The following ANAPC1 variants were observed in gnomAD, a reference collection of about 807,000 sequenced individuals.
ANAPC1 encodes the protein anaphase promoting complex subunit 1.
ANAPC1 carries 36 observed loss-of-function variants against 208.0 expected under a neutral mutation model. The observed-to-expected ratio is 0.17, with a 90% confidence interval of 0.13 to 0.23. ANAPC1 has a LOEUF of 0.23. ANAPC1 is among the 10% of genes least tolerant of loss of function. ANAPC1 has a pLI of 1.00. For missense variants in ANAPC1, 942 were observed against 2,011.6 expected (o/e 0.47, Z 10.17); for synonymous variants, 378 against 695.2 (o/e 0.54, Z 7.18).
intron 1 of ANAPC1, 149 bp from the exon 2 acceptor site, chr2:111,880,998 C>A (rs1475039497): frequency 6.2e-6 from 4 of 649,952 alleles, no homozygotes; most frequent in South Asian, 6.0e-5. Flanking sequence ...CATAAAAGGG[C>A]ATTCTAGATC....
chr2:111,867,406 A>C (rs1682487757), intron 7 of ANAPC1, among the ~76,000 whole-genome samples: 1 of 151,080 alleles, frequency 6.6e-6, no homozygotes, highest in Admixed American at 6.6e-5. Flanking sequence ...GAAGATAAAA[A>C]GCAGCTAGGC....
Position 111,850,013 on chromosome 2 carries a change from T to TA in ANAPC1, c.1650+762dup, listed in dbSNP as rs557866637. Among the ~76,000 whole-genome samples, 20 of 151,838 alleles carry TA rather than the reference T, an allele frequency of 1.3e-4. No individual in the cohort carries two copies. The South Asian group carries it at 2.5e-3, about 19-fold the overall frequency. On this transcript the variant is annotated intron_variant, in intron 14 of 47. Transcript: ENST00000341068. ...TCATTTGTAACTTCTATCTCATTTG[T>TA]AAAAAAAAGAATCATAGTACTATCT...
intron 26 of ANAPC1, among the ~76,000 whole-genome samples, chr2:111,820,738 A>T (rs370723188): frequency 0.052 from 7,494 of 144,252 alleles, 214 homozygotes; most frequent in Non-Finnish European, 0.071. Flanking sequence ...GTATCAAGGG[A>T]TGTATCCTGT....
intron 18 of ANAPC1, among the ~76,000 whole-genome samples, chr2:111,836,365 A>G (rs1203632476): frequency 6.6e-6 from 1 of 151,922 alleles, no homozygotes; most frequent in African/African-American, 2.4e-5. Context: ...AAATTAAAAG[A>G]AATTAAAATT....
At chr2:111,785,322 T>C in intron 40 of ANAPC1, 38 bp downstream of exon 40, 1 of 634,840 alleles carries the variant, frequency 1.6e-6, no homozygotes, top group Non-Finnish European at 2.9e-6. Flanking sequence ...GACGGATGAG[T>C]GGTAATAAAA....
chr2:111,787,527 C>A (rs1558665051), intron 39 of ANAPC1, among the ~76,000 whole-genome samples: 1 of 152,162 alleles, frequency 6.6e-6, no homozygotes, highest in African/African-American at 2.4e-5. Context: ...CTTGACCTGT[C>A]TCTGGGGAGA....
intron 14 of ANAPC1, among the ~76,000 whole-genome samples, chr2:111,850,357 GA>G (rs1681321976): frequency 6.6e-6 from 1 of 152,068 alleles, no homozygotes; most frequent in South Asian, 2.1e-4. Context: ...AGGTCCAAAC[GA>G]AGACTGACAT....
At chr2:111,842,144 C>T (rs1216632767) in intron 17 of ANAPC1, among the ~76,000 whole-genome samples, 1 of 152,040 alleles carries the variant, frequency 6.6e-6, no homozygotes, top group Non-Finnish European at 1.5e-5. Flanking sequence ...TATTGGTTAA[C>T]TATGATAAAA....
rs1193044673 is a variant in ANAPC1 at position 111,810,859 on chromosome 2, G to C, written c.3598-1678C>G. ...GATCACACCACTGCACTCCAGCCTA[G>C]GTGACAGGGTGAGACTCCACATCAA... On this transcript the variant is annotated intron_variant, in intron 28 of 47. Coordinates refer to ENST00000341068, the MANE Select transcript of ANAPC1 (RefSeq NM_022662.4). Among the ~76,000 whole-genome samples the C allele has an allele frequency of 2.3e-5, 3 of 132,736 alleles. No individual in the cohort carries two copies. In the East Asian group the frequency reaches 6.3e-4, roughly 28 times the overall value. 87.1% of individuals were successfully genotyped at this position (132,736 alleles called of 152,430 possible). A position where few individuals can be genotyped will look rare whatever the true frequency, so the allele number is the denominator to read the frequency against.
chr2:111,879,052 A>G, intron 2 of ANAPC1, 81 bp from the exon 3 acceptor site: 4 of 1,438,858 alleles, frequency 2.8e-6, no homozygotes, highest in Non-Finnish European at 3.7e-6. Context: ...TTATTTGCCC[A>G]TGGAGTAAGA....
At chr2:111,840,642 C>T (rs182208444) in intron 17 of ANAPC1, among the ~76,000 whole-genome samples, 17 of 152,236 alleles carry the variant, frequency 1.1e-4, no homozygotes, top group African/African-American at 3.8e-4. Flanking sequence ...AAAGCTGACG[C>T]GTTTTTTCAT....
At chr2:111,848,924 A>T (rs1033290357) in intron 14 of ANAPC1, among the ~76,000 whole-genome samples, 2 of 152,226 alleles carry the variant, frequency 1.3e-5, no homozygotes, top group Non-Finnish European at 2.9e-5. Flanking sequence ...AAAATACAGG[A>T]ACAGTATTTA....
chr2:111,781,760 A>C (rs1677290729), intron 43 of ANAPC1, among the ~76,000 whole-genome samples: 1 of 152,270 alleles, frequency 6.6e-6, no homozygotes, highest in South Asian at 2.1e-4. Context: ...TTGTGTTGGA[A>C]ACTTATCTGA....
rs773835452 is a variant in ANAPC1, at chr2:111,878,884, T to C, written c.301A>G (p.Ile101Val). 6 of 1,607,360 alleles carry C rather than the reference T, an allele frequency of 3.7e-6. 1 individual carries two copies. Among genetic ancestry groups the C allele is most frequent in the Non-Finnish European group, 1.7e-6 (2 of 1,177,970 alleles). ...TGGCTTTTACTTCCTTTGCTCCATA[T>C]CACCATATTTCCAGCAACATAGAGT... The part of the protein sequence containing the change: ...EELYVAGNMV[I>V]WSKGSKSQAL... The change falls in exon 3 of 48, where the codon ATA (isoleucine) becomes GTA (valine). Residue 101 changes from isoleucine to valine, a missense_variant. By Grantham distance (29) the Ile-to-Val change is conservative. Transcript: ENST00000341068.
intron 43 of ANAPC1, among the ~76,000 whole-genome samples, chr2:111,781,658 T>G (rs200970525): frequency 0.19 from 28,255 of 150,682 alleles, 801 homozygotes; most frequent in Middle Eastern, 0.25. Flanking sequence ...TACTCTACTT[T>G]GTATCACCAG....
At chr2:111,858,483 G>A (rs1410407016) in intron 10 of ANAPC1, 82 bp from the exon 11 acceptor site, 85 of 1,156,994 alleles carry the variant, frequency 7.3e-5, no homozygotes, top group East Asian at 1.7e-4. Flanking sequence ...CTTTGAGGCC[G>A]GGCGCGGTGG....
At chr2:111,871,168 C>T (rs1343343869) in intron 6 of ANAPC1, among the ~76,000 whole-genome samples, 1 of 151,880 alleles carries the variant, frequency 6.6e-6, no homozygotes, top group Admixed American at 6.6e-5. Flanking sequence ...ATTTTGGGCT[C>T]TTTTGGTTCC....
chr2:111,823,674 G>A (rs1573397082), intron 24 of ANAPC1, among the ~76,000 whole-genome samples: 1 of 152,006 alleles, frequency 6.6e-6, no homozygotes, highest in Non-Finnish European at 1.5e-5. Context: ...AAAGTTGAGT[G>A]AAGAAAAAGG....
intron 6 of ANAPC1, among the ~76,000 whole-genome samples, chr2:111,869,660 T>C (rs932660859): frequency 6.6e-6 from 1 of 152,230 alleles, no homozygotes; most frequent in Non-Finnish European, 1.5e-5. Context: ...AGGCTGAGTA[T>C]CCCTTATCTG....
Sources: gnomAD v4.1 joint callset for allele counts (sites outside exome capture counted in the v4.1 genomes callset) on GRCh38, gnomAD v4.1.1 for gene constraint, MANE v1.5 for transcripts, NCBI Gene and HGNC (gene_info 2026-07-23, HGNC 2026-07-21) for gene names.